The following CDK8 variants were observed in gnomAD, a reference collection of about 807,000 sequenced individuals.
CDK8 encodes cyclin-dependent kinase 8.
Under a neutral mutation model 71.5 loss-of-function variants are expected in CDK8, and 29 were observed. That is an observed-to-expected ratio of 0.41 (90% confidence interval 0.30 to 0.55). CDK8 has a LOEUF of 0.55. CDK8 is among the 20% of genes least tolerant of loss of function. The probability of loss-of-function intolerance (pLI) is 0.37; values close to 1 mark genes in which losing one functional copy is unlikely to be tolerated. For synonymous variants in CDK8, 161 were observed against 192.1 expected, an observed-to-expected ratio of 0.84 and a Z score of 1.34; for missense variants, 288 against 572.6, an observed-to-expected ratio of 0.50 and a Z score of 5.07.
intron 9 of CDK8, 35 bp from the exon 10 acceptor site, chr13:26,400,418 C>A: frequency 8.2e-7 from 1 of 1,220,978 alleles, no homozygotes; most frequent in Non-Finnish European, 1.2e-6. Context: ...CTGTGAGAAG[C>A]AATACCGTCA....
chr13:26,386,100 CCTATTATAAAGAA>C (rs1246077628), intron 6 of CDK8, among the ~76,000 whole-genome samples: 1 of 152,086 alleles, frequency 6.6e-6, no homozygotes, highest in Non-Finnish European at 1.5e-5. Context: ...CAGTTACCTC[CCTATTATAAAGAA>C]TGAGGAAATT....
At chr13:26,336,605 C>G (rs7334906) in intron 1 of CDK8, among the ~76,000 whole-genome samples, 138,857 of 147,934 alleles carry the variant, frequency 0.94, 65,795 homozygotes, top group East Asian at 1. Flanking sequence ...CCAGGCTGGA[C>G]TGCAGTGGCG....
At chr13:26,338,734 A>G (rs1289668252) in intron 2 of CDK8, among the ~76,000 whole-genome samples, 1 of 152,140 alleles carries the variant, frequency 6.6e-6, no homozygotes, top group African/African-American at 2.4e-5. Context: ...GTTATTCAAC[A>G]TCTATTCTGT....
At chr13:26,381,030 T>A (rs1317080261) in intron 4 of CDK8, among the ~76,000 whole-genome samples, 1 of 152,186 alleles carries the variant, frequency 6.6e-6, no homozygotes, top group Non-Finnish European at 1.5e-5. Context: ...ATTTGTCTTT[T>A]ATGAAAATGA....
intron 1 of CDK8, among the ~76,000 whole-genome samples, chr13:26,295,629 G>A (rs1309233599): frequency 1.3e-5 from 2 of 152,284 alleles, no homozygotes; most frequent in East Asian, 3.9e-4. Flanking sequence ...ATATTTGGGA[G>A]ACGTTCCTGA....
At chr13:26,390,594 A>G (rs1875701653) in intron 6 of CDK8, among the ~76,000 whole-genome samples, 1 of 152,238 alleles carries the variant, frequency 6.6e-6, no homozygotes, top group Non-Finnish European at 1.5e-5. Flanking sequence ...CAGTGCCACT[A>G]AAGTAGTCCT....
At chr13:26,312,413 A>C (rs1337644102) in intron 1 of CDK8, among the ~76,000 whole-genome samples, 2 of 152,122 alleles carry the variant, frequency 1.3e-5, no homozygotes, top group African/African-American at 4.8e-5. Context: ...TGTAACACTC[A>C]CCGTGAGGGT....
chr13:26,318,051 A>G (rs960011465), intron 1 of CDK8, among the ~76,000 whole-genome samples: 2 of 152,126 alleles, frequency 1.3e-5, no homozygotes, highest in African/African-American at 4.8e-5. Context: ...ACTAAGAAAA[A>G]AAAAAGAGCA....
chr13:26,258,627 TA>T (rs1871634141), intron 1 of CDK8, among the ~76,000 whole-genome samples: 1 of 152,110 alleles, frequency 6.6e-6, no homozygotes, highest in South Asian at 2.1e-4. Context: ...CTGATAGCAG[TA>T]TGACCTTGGG....
chr13:26,392,167 G>A (rs1875774958), intron 6 of CDK8, among the ~76,000 whole-genome samples: 1 of 152,080 alleles, frequency 6.6e-6, no homozygotes, highest in Non-Finnish European at 1.5e-5. Flanking sequence ...TTCTAAATTG[G>A]CAAATAGATC....
Position 26,260,100 on chromosome 13 carries a change from A to T in CDK8, c.128+5331A>T, listed in dbSNP as rs542619997. ...GGAATAGGACAAAGGGATTTTTTTT[A>T]AAATTGTATTTTCTGCAGACCCCAG... On this transcript the variant is annotated intron_variant, in intron 1 of 12. Coordinates refer to ENST00000381527, the MANE Select transcript of CDK8 (RefSeq NM_001260.3). Among the ~76,000 whole-genome samples the T allele has an allele frequency of 5.6e-4, 85 of 152,202 alleles. 1 individual carries two copies. The highest frequency in any genetic ancestry group is 1.8e-3 in the African/African-American group (73 of 41,552).
chr13:26,319,518 G>C (rs1012687689), intron 1 of CDK8, among the ~76,000 whole-genome samples: 1 of 151,644 alleles, frequency 6.6e-6, no homozygotes, highest in African/African-American at 2.4e-5. Context: ...AGAGGTAAAA[G>C]TCTTGTTCAG....
At chr13:26,365,663 A>T (rs561577240) in intron 4 of CDK8, among the ~76,000 whole-genome samples, 1 of 152,112 alleles carries the variant, frequency 6.6e-6, no homozygotes, top group Non-Finnish European at 1.5e-5. Context: ...GTTTTTCTCC[A>T]TTCATAACGT....
intron 4 of CDK8, among the ~76,000 whole-genome samples, chr13:26,369,328 TG>T (rs1164656331): frequency 6.7e-6 from 1 of 149,658 alleles, no homozygotes. Flanking sequence ...TGCATGCCTG[TG>T]GTCTCAGCTA....
chr13:26,330,619 C>T (rs567555050), intron 1 of CDK8, among the ~76,000 whole-genome samples: 245 of 146,374 alleles, frequency 1.7e-3, no homozygotes, highest in African/African-American at 5.7e-3. Flanking sequence ...TCCACTCTTC[C>T]TTCACGTGTT....
chr13:26,296,654 T>C (rs1331210053), intron 1 of CDK8, among the ~76,000 whole-genome samples: 3 of 152,160 alleles, frequency 2.0e-5, no homozygotes, highest in Non-Finnish European at 1.5e-5. Context: ...GAAGTTAACA[T>C]TAATCTATTG....
At chr13:26,304,288 TC>T (rs1326295683) in intron 1 of CDK8, among the ~76,000 whole-genome samples, 1 of 151,372 alleles carries the variant, frequency 6.6e-6, no homozygotes, top group Non-Finnish European at 1.5e-5. Context: ...AAAAAAGAAA[TC>T]CTTTTATTTT....
At chr13:26,267,785 A>G (rs528890792) in intron 1 of CDK8, among the ~76,000 whole-genome samples, 1 of 152,218 alleles carries the variant, frequency 6.6e-6, no homozygotes, top group Non-Finnish European at 1.5e-5. Context: ...TGTATACAAC[A>G]TGCTGTCAGA....
intron 1 of CDK8, among the ~76,000 whole-genome samples, chr13:26,273,161 T>G (rs910836283): frequency 6.6e-6 from 1 of 152,218 alleles, no homozygotes. Flanking sequence ...TATACAGTTG[T>G]CCCAGCCTCT....
Sources: allele counts gnomAD v4.1 joint callset (sites outside exome capture counted in the v4.1 genomes callset), GRCh38; gene constraint gnomAD v4.1.1; transcripts MANE v1.5; gene names NCBI Gene and HGNC (gene_info 2026-07-23, HGNC 2026-07-21).